Variants in ANKS1B observed in about 807,000 individuals in gnomAD.
ANKS1B encodes the protein ankyrin repeat and sterile alpha motif domain-containing protein 1B.
Under a neutral mutation model 148.3 loss-of-function variants are expected in ANKS1B, and 36 were observed. That is an observed-to-expected ratio of 0.24 (90% confidence interval 0.19 to 0.32). The LOEUF (loss-of-function observed/expected upper bound fraction) is 0.32. ANKS1B is among the 10% of genes least tolerant of loss of function. The pLI is 1.00. For synonymous variants in ANKS1B, 542 were observed against 560.8 expected (o/e 0.97, Z 0.47); for missense variants, 1,157 against 1,542.6 (o/e 0.75, Z 4.19).
intron 1 of ANKS1B, among the ~76,000 whole-genome samples, chr12:99,908,847 T>A (rs995850227): frequency 2.0e-5 from 3 of 152,196 alleles, no homozygotes; most frequent in Non-Finnish European, 4.4e-5. Flanking sequence ...ATACCTTTTT[T>A]CCCCCTTTGG....
rs567677432 is a variant in ANKS1B at position 98,735,536 on chromosome 12, C to T, written c.*24G>A. The T allele has an allele frequency of 5.3e-5, 39 of 738,664 alleles. No individual in the cohort carries two copies. The African/African-American group carries it at 6.0e-4, about 11-fold the overall frequency. The allele number at this position is 738,664 out of a possible 1,614,324, so 45.8% of individuals were successfully genotyped here. A position where few individuals can be genotyped will look rare whatever the true frequency, so the allele number is the denominator to read the frequency against. On this transcript the variant is annotated 3_prime_UTR_variant, in exon 10 of 10. Transcript: ENST00000341752. Reference sequence around the variant, plus strand: ...ATCAACCTTTCTATTTAGGCTTTATCAGCTATATGTAAATTCAATTCTATC... The same window carrying T: ...ATCAACCTTTCTATTTAGGCTTTATTAGCTATATGTAAATTCAATTCTATC...
intron 17 of ANKS1B, among the ~76,000 whole-genome samples, chr12:98,910,526 GA>G (rs1388257306): frequency 2.0e-5 from 3 of 152,262 alleles, no homozygotes; most frequent in African/African-American, 7.2e-5. Flanking sequence ...AGAACATGCT[GA>G]AAGTTCAGAA....
intron 12 of ANKS1B, among the ~76,000 whole-genome samples, chr12:99,387,633 A>G (rs2152535683): frequency 6.6e-6 from 1 of 151,716 alleles, no homozygotes; most frequent in Non-Finnish European, 1.5e-5. Context: ...AGCCCAAGGG[A>G]GCTCCTTTGC....
chr12:99,760,161 G>C (rs2061949099), intron 8 of ANKS1B, among the ~76,000 whole-genome samples: 1 of 151,654 alleles, frequency 6.6e-6, no homozygotes, highest in African/African-American at 2.4e-5. Flanking sequence ...CTGTGCATCA[G>C]TGAAGTCCAT....
intron 8 of ANKS1B, among the ~76,000 whole-genome samples, chr12:99,767,273 C>G (rs574687612): frequency 1.6e-4 from 24 of 152,048 alleles, no homozygotes; most frequent in African/African-American, 5.3e-4. Context: ...CCAATGCAAC[C>G]CCTTTCAAAC....
At chr12:99,636,451 C>A (rs1018416949) in intron 9 of ANKS1B, among the ~76,000 whole-genome samples, 1 of 152,110 alleles carries the variant, frequency 6.6e-6, no homozygotes, top group African/African-American at 2.4e-5. Context: ...ATAACTCATA[C>A]CTCAGTGAAG....
chr12:99,884,426 T>C (rs2092714671), intron 1 of ANKS1B, among the ~76,000 whole-genome samples: 6 of 152,220 alleles, frequency 3.9e-5, no homozygotes, highest in Admixed American at 3.9e-4. Context: ...GAATGAGTAT[T>C]TGTTTCACAA....
chr12:99,423,810 G>T (rs2095169911), intron 11 of ANKS1B, among the ~76,000 whole-genome samples: 1 of 152,110 alleles, frequency 6.6e-6, no homozygotes, highest in African/African-American at 2.4e-5. Flanking sequence ...ACACATAGAA[G>T]AGAATAACAC....
chr12:99,660,507 GT>G (rs1304949475), intron 8 of ANKS1B, among the ~76,000 whole-genome samples: 7 of 151,782 alleles, frequency 4.6e-5, no homozygotes. Flanking sequence ...GGGATTAGAG[GT>G]GCCCACCATC....
At chr12:99,178,387 T>C (rs2078665219) in intron 14 of ANKS1B, among the ~76,000 whole-genome samples, 1 of 152,204 alleles carries the variant, frequency 6.6e-6, no homozygotes, top group African/African-American at 2.4e-5. Context: ...CAGGACATCA[T>C]GGCACCTCAT....
At chr12:99,765,097 G>A (rs1300169659) in intron 8 of ANKS1B, among the ~76,000 whole-genome samples, 1 of 152,178 alleles carries the variant, frequency 6.6e-6, no homozygotes, top group Non-Finnish European at 1.5e-5. Context: ...ATGAAAGACA[G>A]AATGATCTAC....
At chr12:98,910,001 A>G (rs1283509140) in intron 17 of ANKS1B, among the ~76,000 whole-genome samples, 1 of 152,222 alleles carries the variant, frequency 6.6e-6, no homozygotes, top group African/African-American at 2.4e-5. Flanking sequence ...GTGCTGATCC[A>G]TCAGGCTAAT....
intron 10 of ANKS1B, among the ~76,000 whole-genome samples, chr12:99,495,912 C>A (rs1311475315): frequency 6.6e-6 from 1 of 152,222 alleles, no homozygotes; most frequent in Non-Finnish European, 1.5e-5. Context: ...ACACTCCTAC[C>A]TATTTCAGAT....
At chr12:99,880,728 G>A (rs760564776) in intron 1 of ANKS1B, among the ~76,000 whole-genome samples, 12 of 152,058 alleles carry the variant, frequency 7.9e-5, no homozygotes, top group Admixed American at 3.9e-4. Context: ...TTTATTACAG[G>A]GAAATGTGTT....
At chr12:99,456,861 G>C (rs1377476928) in intron 10 of ANKS1B, among the ~76,000 whole-genome samples, 1 of 152,094 alleles carries the variant, frequency 6.6e-6, no homozygotes, top group East Asian at 1.9e-4. Flanking sequence ...GGGAATAATA[G>C]AGAAAAACTT....
At chr12:99,251,359 G>A (rs2153973990) in intron 12 of ANKS1B, among the ~76,000 whole-genome samples, 1 of 152,226 alleles carries the variant, frequency 6.6e-6, no homozygotes, top group East Asian at 1.9e-4. Flanking sequence ...AATCATGTGG[G>A]ATTTACTCCT....
intron 9 of ANKS1B, among the ~76,000 whole-genome samples, chr12:99,543,201 G>A (rs756815623): frequency 5.3e-5 from 8 of 151,874 alleles, no homozygotes; most frequent in Admixed American, 3.3e-4. Flanking sequence ...ATCTACAAAT[G>A]GCCAATAAGC....
intron 10 of ANKS1B, among the ~76,000 whole-genome samples, chr12:99,487,141 A>G (rs1363138459): frequency 6.6e-6 from 1 of 152,206 alleles, no homozygotes; most frequent in African/African-American, 2.4e-5. Context: ...CTGGTGCTCA[A>G]GGCCTGCCAT....
chr12:98,737,482 T>C (rs1363051110), intron 9 of ANKS1B, among the ~76,000 whole-genome samples: 1 of 152,150 alleles, frequency 6.6e-6, no homozygotes, highest in Non-Finnish European at 1.5e-5. Flanking sequence ...CTTATTGAGG[T>C]CCCCAGTAAA....
Sources: gnomAD v4.1 joint callset for allele counts (sites outside exome capture counted in the v4.1 genomes callset) on GRCh38, gnomAD v4.1.1 for gene constraint, MANE v1.5 for transcripts, NCBI Gene and HGNC (gene_info 2026-07-23, HGNC 2026-07-21) for gene names.